SDK1: variants seen among roughly 807,000 people sequenced by gnomAD.
SDK1 encodes sidekick cell adhesion molecule 1, also known as protein sidekick-1.
A neutral mutation model predicts 245.5 loss-of-function variants in SDK1; 157 were observed. The observed-to-expected ratio is 0.64, with a 90% confidence interval of 0.56 to 0.73. The LOEUF is 0.73. Among genes scored for constraint, SDK1 ranks in the 30% least tolerant of loss-of-function variants. The probability of loss-of-function intolerance (pLI) is 0.00; values close to 1 mark genes in which losing one functional copy is unlikely to be tolerated. For synonymous variants in SDK1, 1,647 were observed against 1,278.5 expected (o/e 1.29, Z -6.15); for missense variants, 3,583 against 3,002.3 (o/e 1.19, Z -4.52).
chr7:4,012,070 G>T, intron 15 of SDK1, 25 bp from the exon 16 acceptor site: 2 of 1,471,736 alleles, frequency 1.4e-6, no homozygotes, highest in African/African-American at 2.9e-5. Context: ...CATCTCTCTT[G>T]TTCCTACCCG....
chr7:3,797,626 A>G (rs569374261), intron 4 of SDK1, among the ~76,000 whole-genome samples: 4 of 152,282 alleles, frequency 2.6e-5, no homozygotes, highest in Non-Finnish European at 4.4e-5. Flanking sequence ...TTAAATATGT[A>G]TAATCTCCCA....
At position 3,301,271 on chromosome 7, in the gene SDK1, GGGCGGGGGCGGCGGC is replaced by G. The variant is rs1382695536; in HGVS notation, c.-310_-296del. ...GCGGGCGCACTTTCTTCTCAGCGCC[GGGCGGGGGCGGCGGC>G]GGCGGCGGCTCCTCCGCGCCCGGCG... is the stretch of plus-strand genomic sequence containing the variant. On this transcript the variant is annotated 5_prime_UTR_variant, in exon 1 of 45. Transcript: ENST00000404826. 8.7e-5 allele frequency among the ~76,000 whole-genome samples: 12 copies of G among 137,626 alleles called. No homozygotes were observed. The highest frequency in any genetic ancestry group is 3.1e-4 in the African/African-American group (11 of 34,948). The allele number at this position is 137,626 out of a possible 152,430, so 90.3% of individuals were successfully genotyped here. A position where few individuals can be genotyped will look rare whatever the true frequency, so the allele number is the denominator to read the frequency against.
intron 5 of SDK1, among the ~76,000 whole-genome samples, chr7:3,906,360 T>G (rs986098174): frequency 1.3e-5 from 2 of 152,016 alleles, no homozygotes; most frequent in African/African-American, 4.8e-5. Context: ...ATACTAATCT[T>G]TACAATGGTG....
intron 1 of SDK1, among the ~76,000 whole-genome samples, chr7:3,400,723 T>C (rs1403338514): frequency 6.6e-6 from 1 of 152,190 alleles, no homozygotes. Flanking sequence ...AGTTGGTGGG[T>C]TCATGGATTC....
intron 4 of SDK1, among the ~76,000 whole-genome samples, chr7:3,644,797 A>AAAAAAAAAAC (rs1554301839): frequency 1.1e-4 from 15 of 131,558 alleles, no homozygotes; most frequent in South Asian, 5.5e-4. Flanking sequence ...AAAAAACAAA[A>AAAAAAAAAAC]AACAACAACA....
chr7:4,165,076 T>C (rs971199838), intron 32 of SDK1, among the ~76,000 whole-genome samples: 1 of 152,238 alleles, frequency 6.6e-6, no homozygotes, highest in Non-Finnish European at 1.5e-5. Flanking sequence ...TTTGTTTTTT[T>C]AGTAATTACT....
In SDK1 at chr7:4,265,585, A is replaced by G; in HGVS notation, c.*201A>G. 1 of 1,345,694 alleles carries G rather than the reference A, an allele frequency of 7.4e-7. No homozygotes were observed. Among genetic ancestry groups the G allele is most frequent in the Non-Finnish European group, 9.4e-7 (1 of 1,058,230 alleles). 83.4% of individuals were successfully genotyped at this position (1,345,694 alleles called of 1,614,324 possible). On this transcript the variant is annotated 3_prime_UTR_variant, in exon 45 of 45. Coordinates refer to ENST00000404826, the MANE Select transcript of SDK1 (RefSeq NM_152744.4). Reference sequence around the variant, plus strand: ...AAACGGCTTTTTGTAACTTCGCTGCAGGAAGCAGGTTTGTTTCTTTTTCTT... The same window carrying G: ...AAACGGCTTTTTGTAACTTCGCTGCGGGAAGCAGGTTTGTTTCTTTTTCTT...
In SDK1 at chr7:3,695,538, C is replaced by G. The variant is rs1202985321; in HGVS notation, c.713+53433C>G. ...TTATATCATAGGTGTTTTCATTTAT[C>G]AAAAACTTCGTTAAATGTCCTTTTA... On this transcript the variant is annotated intron_variant, in intron 4 of 44. Transcript: ENST00000404826. Among the ~76,000 whole-genome samples the G allele has an allele frequency of 5.9e-5, 9 of 152,098 alleles. No individual in the cohort carries two copies. The South Asian group carries it at 1.9e-3, about 32-fold the overall frequency.
chr7:4,206,020 C>T (rs1439377540), intron 36 of SDK1, 26 bp downstream of exon 36: 4 of 1,446,012 alleles, frequency 2.8e-6, no homozygotes, highest in Non-Finnish European at 3.7e-6. Context: ...GCGGTTGCCT[C>T]CCCTGGCTCG....
At chr7:4,072,563 C>T (rs1780320375) in intron 20 of SDK1, among the ~76,000 whole-genome samples, 1 of 152,204 alleles carries the variant, frequency 6.6e-6, no homozygotes, top group Admixed American at 6.5e-5. Flanking sequence ...GCTGGCAGCA[C>T]CATGAAATTC....
chr7:3,657,126 T>G (rs1481522513), intron 4 of SDK1, among the ~76,000 whole-genome samples: 1 of 151,998 alleles, frequency 6.6e-6, no homozygotes, highest in Non-Finnish European at 1.5e-5. Flanking sequence ...GAAGGAACCC[T>G]AGGGAGAAAG....
chr7:3,969,289 A>G lies in SDK1; in HGVS notation c.1579A>G (p.Ile527Val), dbSNP rs747854904. 1.4e-5 allele frequency: 22 copies of G among 1,609,324 alleles called. 1 individual carries two copies. In the South Asian group the frequency reaches 2.3e-4, roughly 17 times the overall value. Residue 527 changes from isoleucine to valine, a missense_variant, in exon 11 of 45, where the codon ATT (isoleucine) becomes GTT (valine). Transcript: ENST00000404826. ...NHILASGSVRIPRFMLLESGG... is the reference protein window; with the variant it reads ...NHILASGSVRVPRFMLLESGG... Reference sequence around the variant, plus strand: ...CATTCTGGCCAGTGGCTCTGTCCGGATTCCTAGGTTCATGCTTCTTGAATC... The same window carrying G: ...CATTCTGGCCAGTGGCTCTGTCCGGGTTCCTAGGTTCATGCTTCTTGAATC...
At chr7:3,523,117 G>A (rs778518920) in intron 1 of SDK1, among the ~76,000 whole-genome samples, 2 of 152,148 alleles carry the variant, frequency 1.3e-5, no homozygotes, top group Non-Finnish European at 2.9e-5. Flanking sequence ...TTTTGAATTG[G>A]AAATGGCAAT....
intron 38 of SDK1, among the ~76,000 whole-genome samples, chr7:4,216,990 ACC>A (rs1784835627): frequency 6.8e-6 from 1 of 147,368 alleles, no homozygotes; most frequent in African/African-American, 2.5e-5. Flanking sequence ...GCACCACACC[ACC>A]CGGAGCACCA....
At chr7:4,158,406 G>T (rs558446134) in intron 30 of SDK1, 42 bp from the exon 31 acceptor site, 3 of 1,506,888 alleles carry the variant, frequency 2.0e-6, no homozygotes, top group African/African-American at 2.7e-5. Flanking sequence ...GGCAGGACAG[G>T]GTGGCAGGGC....
At chr7:3,333,082 G>A (rs1245580465) in intron 1 of SDK1, among the ~76,000 whole-genome samples, 1 of 152,090 alleles carries the variant, frequency 6.6e-6, no homozygotes, top group South Asian at 2.1e-4. Context: ...TTTGACTTTG[G>A]TATTCTCACA....
chr7:4,104,671 T>C (rs930065314), intron 22 of SDK1, among the ~76,000 whole-genome samples: 7 of 152,202 alleles, frequency 4.6e-5, no homozygotes, highest in African/African-American at 1.7e-4. Flanking sequence ...ACACACACTA[T>C]ATATTTGTAT....
At chr7:4,141,882 G>A (rs1441551441) in intron 28 of SDK1, among the ~76,000 whole-genome samples, 4 of 152,030 alleles carry the variant, frequency 2.6e-5, no homozygotes, top group South Asian at 4.2e-4. Context: ...TCAGCCTCCC[G>A]AGCAGTTGGC....
At chr7:3,460,183 A>G (rs956842785) in intron 1 of SDK1, among the ~76,000 whole-genome samples, 1 of 152,206 alleles carries the variant, frequency 6.6e-6, no homozygotes, top group Non-Finnish European at 1.5e-5. Context: ...ATGCTTTCTA[A>G]ATTTCCCTCA....
Sources: gnomAD v4.1 joint callset for allele counts (sites outside exome capture counted in the v4.1 genomes callset) on GRCh38, gnomAD v4.1.1 for gene constraint, MANE v1.5 for transcripts, NCBI Gene and HGNC (gene_info 2026-07-23, HGNC 2026-07-21) for gene names.